Variants in CRPPA observed in about 807,000 individuals in gnomAD.
CRPPA encodes CDP-L-ribitol pyrophosphorylase A, also known as D-ribitol-5-phosphate cytidylyltransferase.
CRPPA carries 43 observed loss-of-function variants against 52.0 expected under a neutral mutation model. The ratio of observed to expected loss-of-function variants is 0.83; its 90% CI spans 0.65 to 1.07. The LOEUF (loss-of-function observed/expected upper bound fraction) is 1.07, where lower values mean the gene tolerates loss of function less well. CRPPA is among the 50% of genes least tolerant of loss of function. The probability of loss-of-function intolerance (pLI) is 0.00; values close to 1 mark genes in which losing one functional copy is unlikely to be tolerated. For missense variants in CRPPA, 629 were observed against 551.7 expected (o/e 1.14, Z -1.40); for synonymous variants, 250 against 203.5 (o/e 1.23, Z -1.94).
intron 8 of CRPPA, among the ~76,000 whole-genome samples, chr7:16,253,695 A>G (rs577525487): frequency 5.9e-5 from 9 of 152,252 alleles, no homozygotes; most frequent in African/African-American, 2.2e-4. Context: ...CTTCATGACT[A>G]AAACACCAAA....
chr7:16,158,817 T>C (rs941525504), intron 9 of CRPPA, among the ~76,000 whole-genome samples: 5 of 152,330 alleles, frequency 3.3e-5, no homozygotes, highest in East Asian at 1.9e-4. Context: ...GGTTGAGACA[T>C]GGCTGCTGGC....
At chr7:16,174,166 T>C (rs1462358157) in intron 9 of CRPPA, among the ~76,000 whole-genome samples, 1 of 152,132 alleles carries the variant, frequency 6.6e-6, no homozygotes, top group Admixed American at 6.5e-5. Context: ...ACAAGACACA[T>C]TGCAAACATG....
chr7:16,176,098 T>C (rs1437109262), intron 9 of CRPPA, among the ~76,000 whole-genome samples: 3 of 152,160 alleles, frequency 2.0e-5, no homozygotes, highest in Admixed American at 6.5e-5. Flanking sequence ...ACCCTGAAGA[T>C]ATTAAGCTCT....
At chr7:16,208,744 G>A (rs141543446) in intron 9 of CRPPA, among the ~76,000 whole-genome samples, 1 of 152,176 alleles carries the variant, frequency 6.6e-6, no homozygotes, top group East Asian at 1.9e-4. Context: ...TGTATGCCTG[G>A]GTAATTTTGA....
intron 8 of CRPPA, among the ~76,000 whole-genome samples, chr7:16,229,092 A>T (rs1782724322): frequency 6.6e-6 from 1 of 152,006 alleles, no homozygotes; most frequent in Non-Finnish European, 1.5e-5. Context: ...TCATGAATAC[A>T]GCTACTCCTA....
At chr7:16,235,607 C>A (rs2128404401) in intron 8 of CRPPA, among the ~76,000 whole-genome samples, 1 of 152,032 alleles carries the variant, frequency 6.6e-6, no homozygotes, top group East Asian at 1.9e-4. Context: ...TGTAGACAGG[C>A]CACAAAGCCT....
At chr7:16,397,782 C>A (rs530447103) in intron 2 of CRPPA, among the ~76,000 whole-genome samples, 1 of 152,318 alleles carries the variant, frequency 6.6e-6, no homozygotes, top group African/African-American at 2.4e-5. Flanking sequence ...GTGACCAACA[C>A]GTCACTGACA....
At chr7:16,136,244 A>G (rs1373631016) in intron 9 of CRPPA, among the ~76,000 whole-genome samples, 4 of 152,202 alleles carry the variant, frequency 2.6e-5, no homozygotes. Context: ...ATATTTTAAA[A>G]GTTTAAAAAT....
At chr7:16,394,812 TTAAAC>T (rs1413537357) in intron 2 of CRPPA, among the ~76,000 whole-genome samples, 2 of 152,146 alleles carry the variant, frequency 1.3e-5, no homozygotes, top group Non-Finnish European at 2.9e-5. Context: ...TTCAGGCATC[TTAAAC>T]TAAAGGCCCA....
chr7:16,225,200 T>C (rs950195800), intron 8 of CRPPA, among the ~76,000 whole-genome samples: 1 of 151,996 alleles, frequency 6.6e-6, no homozygotes, highest in African/African-American at 2.4e-5. Flanking sequence ...CTGTTTCAAA[T>C]CCTTATTCAA....
rs9691136 is a variant in CRPPA, at chr7:16,089,547, A to G, written c.*2148T>C. 245,090 of 245,706 alleles carry G rather than the reference A, an allele frequency of 1. 122,241 individuals are homozygous for G. The highest frequency in any genetic ancestry group is 1 in the Non-Finnish European group (112,655 of 112,682). 15.2% of individuals were successfully genotyped at this position (245,706 alleles called of 1,614,324 possible). On this transcript the variant is annotated 3_prime_UTR_variant, in exon 10 of 10. Coordinates refer to ENST00000407010, the MANE Select transcript of CRPPA (RefSeq NM_001101426.4). ...TATGTACGTACATACATATATATGT[A>G]TATACATGTAAGTATATACATATAT...
At chr7:16,141,085 G>C (rs1782860821) in intron 9 of CRPPA, among the ~76,000 whole-genome samples, 1 of 152,090 alleles carries the variant, frequency 6.6e-6, no homozygotes, top group African/African-American at 2.4e-5. Context: ...TCTTGGACCA[G>C]AGGTCAAGAA....
rs188541422 is a variant in CRPPA at position 16,397,427 on chromosome 7, C to T, written c.534+8634G>A. ...ACACGTAATGGACACGTGACTGACA[C>T]GTGTAACGTGTGATGTAACAGACGT... On this transcript the variant is annotated intron_variant, in intron 2 of 9. Transcript: ENST00000407010. 1.1e-3 allele frequency among the ~76,000 whole-genome samples: 170 copies of T among 152,276 alleles called. 2 individuals are homozygous for T. Among genetic ancestry groups the T allele is most frequent in the Non-Finnish European group, 2.4e-4 (16 of 68,014 alleles).
intron 9 of CRPPA, among the ~76,000 whole-genome samples, chr7:16,151,279 A>G (rs1456181757): frequency 3.9e-5 from 6 of 152,162 alleles, no homozygotes; most frequent in African/African-American, 9.7e-5. Flanking sequence ...AAGACAAAGG[A>G]GCTTCAAACT....
chr7:16,267,761 C>T (rs989484111), intron 6 of CRPPA, among the ~76,000 whole-genome samples: 1 of 152,066 alleles, frequency 6.6e-6, no homozygotes, highest in Non-Finnish European at 1.5e-5. Flanking sequence ...TCTAAATGTA[C>T]AGTCTGCCTC....
chr7:16,364,104 C>T (rs969998750), intron 3 of CRPPA, among the ~76,000 whole-genome samples: 1 of 152,010 alleles, frequency 6.6e-6, no homozygotes, highest in East Asian at 1.9e-4. Context: ...ATAAAATTTA[C>T]TGAGGGTAGA....
chr7:16,402,746 C>T lies in CRPPA; in HGVS notation c.534+3315G>A, dbSNP rs1377950559. On this transcript the variant is annotated intron_variant, in intron 2 of 9. Coordinates refer to ENST00000407010, the MANE Select transcript of CRPPA (RefSeq NM_001101426.4). Reference sequence around the variant, plus strand: ...TGGAAACAAGTTACCTAGGATGCAGCATACAAAAACAGCAATATGAAAGAG... The same window carrying T: ...TGGAAACAAGTTACCTAGGATGCAGTATACAAAAACAGCAATATGAAAGAG... 2.0e-5 allele frequency among the ~76,000 whole-genome samples: 3 copies of T among 150,848 alleles called. No homozygotes were observed. The East Asian group carries it at 5.8e-4, about 29-fold the overall frequency.
At chr7:16,267,951 G>A (rs530812896) in intron 6 of CRPPA, among the ~76,000 whole-genome samples, 24 of 152,088 alleles carry the variant, frequency 1.6e-4, no homozygotes, top group Non-Finnish European at 3.5e-4. Flanking sequence ...GATGTATATA[G>A]GTTATATGTA....
intron 3 of CRPPA, among the ~76,000 whole-genome samples, chr7:16,320,229 A>C (rs1785231101): frequency 6.6e-6 from 1 of 152,174 alleles, no homozygotes; most frequent in African/African-American, 2.4e-5. Context: ...AAACAAGATA[A>C]TGTGCATTCT....
Sources: allele counts gnomAD v4.1 joint callset (sites outside exome capture counted in the v4.1 genomes callset), GRCh38; gene constraint gnomAD v4.1.1; transcripts MANE v1.5; gene names NCBI Gene and HGNC (gene_info 2026-07-23, HGNC 2026-07-21).